GRID2: variants seen among roughly 807,000 people sequenced by gnomAD.
GRID2 encodes glutamate ionotropic receptor delta type subunit 2.
Under a neutral mutation model 114.8 loss-of-function variants are expected in GRID2, and 33 were observed. The observed-to-expected ratio is 0.29, with a 90% CI of 0.22 to 0.38. GRID2 has a LOEUF of 0.38. Among genes scored for constraint, GRID2 ranks in the 10% least tolerant of loss-of-function variants. The pLI is 1.00. For synonymous variants in GRID2, 505 were observed against 449.9 expected, an observed-to-expected ratio of 1.12 and a Z score of -1.55; for missense variants, 1,184 against 1,257.7, an observed-to-expected ratio of 0.94 and a Z score of 0.89.
At chr4:92,622,246 A>G (rs1730310665) in intron 2 of GRID2, among the ~76,000 whole-genome samples, 1 of 151,752 alleles carries the variant, frequency 6.6e-6, no homozygotes, top group African/African-American at 2.4e-5. Flanking sequence ...TTCCTGTAAT[A>G]TTAGGAATGC....
intron 2 of GRID2, among the ~76,000 whole-genome samples, chr4:93,004,947 T>A (rs1358815958): frequency 6.6e-6 from 1 of 152,084 alleles, no homozygotes; most frequent in African/African-American, 2.4e-5. Context: ...CTTTGTTTTT[T>A]CTGTCTACCT....
intron 2 of GRID2, among the ~76,000 whole-genome samples, chr4:93,041,879 C>T (rs1578827574): frequency 6.6e-6 from 1 of 151,982 alleles, no homozygotes. Flanking sequence ...AAAATATACA[C>T]ACATATATAT....
At chr4:93,506,010 A>G (rs1439976994) in intron 12 of GRID2, among the ~76,000 whole-genome samples, 1 of 152,150 alleles carries the variant, frequency 6.6e-6, no homozygotes, top group Non-Finnish European at 1.5e-5. Flanking sequence ...CAGCAGTAAG[A>G]CGTGCAGCAT....
At position 92,345,405 on chromosome 4, in the gene GRID2, G is replaced by C. The variant is rs189701127; in HGVS notation, c.88+40661G>C. 2.6e-5 allele frequency among the ~76,000 whole-genome samples: 4 copies of C among 152,320 alleles called. No individual in the cohort carries two copies. The East Asian group carries it at 7.7e-4, about 29-fold the overall frequency. ...CCATATCTTTGCAATTGCAAATTGTGCTGCTATAAACGTGTGTGCATCTGT... is the reference window on the plus strand; with the variant it reads ...CCATATCTTTGCAATTGCAAATTGTCCTGCTATAAACGTGTGTGCATCTGT... On this transcript the variant is annotated intron_variant, in intron 1 of 15. Transcript: ENST00000282020.
At chr4:93,203,193 A>T (rs1282699120) in intron 4 of GRID2, among the ~76,000 whole-genome samples, 1 of 152,160 alleles carries the variant, frequency 6.6e-6, no homozygotes, top group East Asian at 1.9e-4. Context: ...CAGAGAACTC[A>T]TGCCAGCCCA....
At chr4:93,450,794 T>A (rs1201363457) in intron 10 of GRID2, among the ~76,000 whole-genome samples, 3 of 151,874 alleles carry the variant, frequency 2.0e-5, no homozygotes, top group African/African-American at 7.2e-5. Context: ...ACAATAAATA[T>A]TTGACATATA....
At position 93,571,848 on chromosome 4, in the gene GRID2, C is replaced by T. The variant is rs546762171; in HGVS notation, c.2194-54421C>T. On this transcript the variant is annotated intron_variant, in intron 13 of 15. Transcript: ENST00000282020. ...GTTTGTGATAATATGGAGGCAGAAC[C>T]GAAGTTTCAGAAACAGAGGCTAAGA... Among the ~76,000 whole-genome samples the T allele has an allele frequency of 6.6e-5, 10 of 152,098 alleles. 1 individual carries two copies. In the South Asian group the frequency reaches 1.9e-3, roughly 28 times the overall value.
At chr4:92,774,778 T>C (rs1738711093) in intron 2 of GRID2, among the ~76,000 whole-genome samples, 1 of 151,914 alleles carries the variant, frequency 6.6e-6, no homozygotes, top group Admixed American at 6.6e-5. Flanking sequence ...GTATTTTTTG[T>C]AGAAATGGGG....
At chr4:93,806,604 G>A (rs1220744284) in intron 1 of GRID2, 1 of 152,210 alleles carries the variant, frequency 6.6e-6, no homozygotes, top group Non-Finnish European at 1.5e-5. Flanking sequence ...CTTTGTTTAC[G>A]ATGGACATTT....
At chr4:93,359,869 TAAAAAAAAAAAAA>T (rs1158118048) in intron 8 of GRID2, among the ~76,000 whole-genome samples, 96 of 23,646 alleles carry the variant, frequency 4.1e-3, no homozygotes, top group Middle Eastern at 0.071. Flanking sequence ...AAGGAAGGTG[TAAAAAAAAAAAAA>T]AAAAAAAAAA....
chr4:92,985,635 T>C (rs1467373718), intron 2 of GRID2, among the ~76,000 whole-genome samples: 2 of 152,178 alleles, frequency 1.3e-5, no homozygotes, highest in East Asian at 3.9e-4. Flanking sequence ...ATTTACTGCA[T>C]GATTTTTATT....
chr4:93,210,427 T>C (rs1743320682), intron 5 of GRID2, among the ~76,000 whole-genome samples: 1 of 152,138 alleles, frequency 6.6e-6, no homozygotes, highest in South Asian at 2.1e-4. Context: ...CTGGGCAATC[T>C]GTTCTGCTGC....
intron 2 of GRID2, among the ~76,000 whole-genome samples, chr4:93,005,624 A>C (rs980217551): frequency 6.6e-6 from 1 of 152,106 alleles, no homozygotes; most frequent in Non-Finnish European, 1.5e-5. Flanking sequence ...GCACTATTCA[A>C]AATGACCAAT....
At chr4:92,870,561 T>C (rs1248358177) in intron 2 of GRID2, among the ~76,000 whole-genome samples, 3 of 152,124 alleles carry the variant, frequency 2.0e-5, no homozygotes, top group Non-Finnish European at 2.9e-5. Context: ...GTTTCAGATA[T>C]ATATTTATTT....
At chr4:93,682,526 C>G (rs565976569) in intron 14 of GRID2, among the ~76,000 whole-genome samples, 13 of 152,084 alleles carry the variant, frequency 8.5e-5, no homozygotes, top group African/African-American at 2.7e-4. Flanking sequence ...GACTTGGAAC[C>G]AAGCCAAATG....
chr4:92,446,164 C>G (rs550227539), intron 1 of GRID2, among the ~76,000 whole-genome samples: 14 of 152,266 alleles, frequency 9.2e-5, no homozygotes, highest in African/African-American at 3.4e-4. Flanking sequence ...CCAGGATGAT[C>G]TCGAACTCCT....
intron 2 of GRID2, among the ~76,000 whole-genome samples, chr4:92,776,419 C>T (rs1738796221): frequency 6.6e-6 from 1 of 151,800 alleles, no homozygotes. Flanking sequence ...GGATATATAC[C>T]CAGACACACA....
intron 1 of GRID2, among the ~76,000 whole-genome samples, chr4:92,423,429 G>C (rs1391961437): frequency 2.6e-5 from 4 of 152,070 alleles, no homozygotes; most frequent in South Asian, 2.1e-4. Flanking sequence ...GTGAAGCGAG[G>C]AGAGATGGAT....
At chr4:93,322,884 A>G (rs575012100) in intron 8 of GRID2, among the ~76,000 whole-genome samples, 9 of 151,712 alleles carry the variant, frequency 5.9e-5, no homozygotes, top group Non-Finnish European at 1.2e-4. Context: ...CCCACTTTTT[A>G]ATGGGGTTGT....
Sources: gnomAD v4.1 joint callset for allele counts (sites outside exome capture counted in the v4.1 genomes callset) on GRCh38, gnomAD v4.1.1 for gene constraint, MANE v1.5 for transcripts, NCBI Gene and HGNC (gene_info 2026-07-23, HGNC 2026-07-21) for gene names.